Variants in TBX4 observed in about 807,000 individuals in gnomAD.
TBX4 encodes the protein T-box transcription factor 4, also known as T-box transcription factor TBX4.
Under a neutral mutation model 54.6 loss-of-function variants are expected in TBX4, and 13 were observed. The ratio of observed to expected loss-of-function variants is 0.24; its 90% CI spans 0.15 to 0.38. TBX4 has a LOEUF of 0.38. Ranked by LOEUF, TBX4 falls within the 10% of genes least tolerant of loss-of-function variation. The pLI is 1.00. For missense variants in TBX4, 631 were observed against 728.5 expected (o/e 0.87, Z 1.54); for synonymous variants, 314 against 306.7 (o/e 1.02, Z -0.25).
Position 61,474,972 on chromosome 17 carries a change from C to G in TBX4, c.550-3655C>G, listed in dbSNP as rs2060608927. Among the ~76,000 whole-genome samples, 1 of 152,194 alleles carries G rather than the reference C, an allele frequency of 6.6e-6. No homozygotes were observed. Among genetic ancestry groups the G allele is most frequent in the Admixed American group, 6.5e-5 (1 of 15,280 alleles). On this transcript the variant is annotated intron_variant, in intron 5 of 8. Coordinates refer to ENST00000644296, the MANE Select transcript of TBX4 (RefSeq NM_001321120.2). This position sits in a 1 kb window ranked among gnomAD's most constrained non-coding sequence, Gnocchi z 4.6. ...TGGGACCACTTAGTCAAAGGCCCCA[C>G]TTCATAGATGGGGACCCCAATGGTT...
intron 3 of TBX4, among the ~76,000 whole-genome samples, chr17:61,463,985 G>T (rs551005359): frequency 1.3e-5 from 2 of 152,322 alleles, no homozygotes; most frequent in East Asian, 3.9e-4. Context: ...CCATAGGGGG[G>T]CTGGTAAGCA....
In TBX4 at chr17:61,481,598, A is replaced by T. The variant is rs1013157738; in HGVS notation, c.1021+1279A>T. ...GAGCAGGTCTCCCTGGGCAGGGCAGATGCCACCAGCAGGGGCAGAGGAGAG... is the reference window on the plus strand; with the variant it reads ...GAGCAGGTCTCCCTGGGCAGGGCAGTTGCCACCAGCAGGGGCAGAGGAGAG... On this transcript the variant is annotated intron_variant, in intron 8 of 8. Coordinates refer to ENST00000644296, the MANE Select transcript of TBX4 (RefSeq NM_001321120.2). This position sits in a 1 kb window ranked among gnomAD's most constrained non-coding sequence, Gnocchi z 4.8. 2.0e-5 allele frequency: 3 copies of T among 152,812 alleles called. No individual in the cohort carries two copies. The highest frequency in any genetic ancestry group is 4.8e-5 in the African/African-American group (2 of 41,454). 9.5% of individuals were successfully genotyped at this position (152,812 alleles called of 1,614,324 possible).
rs886053187 is a variant in TBX4 at position 61,456,600 on chromosome 17, C to G, written c.110C>G (p.Pro37Arg). 9.3e-6 allele frequency: 14 copies of G among 1,503,532 alleles called. No homozygotes were observed. Among genetic ancestry groups the G allele is most frequent in the Admixed American group, 2.2e-5 (1 of 45,026 alleles). 93.1% of individuals were successfully genotyped at this position (1,503,532 alleles called of 1,614,324 possible). A position where few individuals can be genotyped will look rare whatever the true frequency, so the allele number is the denominator to read the frequency against. ...ANAPEPALAA[P>R]GLSGAALGSP... ...GCCCCCGAGCCCGCGCTGGCAGCGC[C>G]GGGCCTCAGCGGAGCCGCGCTAGGC... Residue 37 changes from proline (P) to arginine (R), a missense_variant, in exon 2 of 9, where the codon CCG (proline) becomes CGG (arginine). Physicochemically the swap from Pro to Arg is moderately radical, Grantham distance 103. Coordinates refer to ENST00000644296, the MANE Select transcript of TBX4 (RefSeq NM_001321120.2).
chr17:61,454,161 T>G (rs903899917), intron 1 of TBX4, among the ~76,000 whole-genome samples: 2 of 152,208 alleles, frequency 1.3e-5, no homozygotes, highest in Admixed American at 6.5e-5. Context: ...AAAGTAGTAA[T>G]AATCCACGCG....
Position 61,478,792 on chromosome 17 carries a change from C to T in TBX4, c.702+13C>T, listed in dbSNP as rs746951975. 4 of 1,614,028 alleles carry T rather than the reference C, an allele frequency of 2.5e-6. No individual in the cohort carries two copies. In the Admixed American group the frequency reaches 5.0e-5, roughly 20 times the overall value. ...CCAGAATCACAAGGTACAGCCACTG[C>T]CCCACTGCCCCACAGCCCCACTTAA... is the stretch of plus-strand genomic sequence containing the variant. On this transcript the variant is annotated intron_variant, in intron 6 of 8. Transcript: ENST00000644296. The surrounding 1 kb of genome is among the most constrained non-coding windows in gnomAD (Gnocchi z 7.4).
rs554265516 is a variant in TBX4 at position 61,460,024 on chromosome 17, C to T, written c.281+2393C>T. Among the ~76,000 whole-genome samples, 13 of 152,258 alleles carry T rather than the reference C, an allele frequency of 8.5e-5. No individual in the cohort carries two copies. The highest frequency in any genetic ancestry group is 3.1e-4 in the African/African-American group (13 of 41,556). ...ACTGGAACCCTTCTTGGTACACGTC[C>T]ATTTGTCAGCCTGGGCCCTGCTGCT... On this transcript the variant is annotated intron_variant, in intron 3 of 8. Coordinates refer to ENST00000644296, the MANE Select transcript of TBX4 (RefSeq NM_001321120.2). This position sits in a 1 kb window ranked among gnomAD's most constrained non-coding sequence, Gnocchi z 4.4.
chr17:61,466,416 C>T (rs553544386), intron 4 of TBX4, among the ~76,000 whole-genome samples: 28 of 152,272 alleles, frequency 1.8e-4, no homozygotes, highest in Non-Finnish European at 2.9e-4. Context: ...GCCATCCAGA[C>T]GAAGTGAGGC....
intron 3 of TBX4, among the ~76,000 whole-genome samples, chr17:61,463,981 G>T (rs139048040): frequency 3.3e-5 from 5 of 152,206 alleles, no homozygotes; most frequent in East Asian, 1.9e-4. Flanking sequence ...GGCCCCATAG[G>T]GGGGCTGGTA....
intron 5 of TBX4, among the ~76,000 whole-genome samples, chr17:61,469,398 C>G (rs2060559982): frequency 6.6e-6 from 1 of 152,172 alleles, no homozygotes; most frequent in Non-Finnish European, 1.5e-5. Context: ...TGGGGGTGCC[C>G]CTGGCTGCAT....
Position 61,474,589 on chromosome 17 carries a change from C to G in TBX4, c.550-4038C>G, listed in dbSNP as rs896573387. 1.3e-5 allele frequency among the ~76,000 whole-genome samples: 2 copies of G among 152,158 alleles called. No homozygotes were observed. Among genetic ancestry groups the G allele is most frequent in the African/African-American group, 4.8e-5 (2 of 41,436 alleles). On this transcript the variant is annotated intron_variant, in intron 5 of 8. Coordinates refer to ENST00000644296, the MANE Select transcript of TBX4 (RefSeq NM_001321120.2). The surrounding 1 kb of genome is among the most constrained non-coding windows in gnomAD (Gnocchi z 4.6). Reference sequence around the variant, plus strand: ...ATCTCTTGAGGAGAGGGATGTTTGGCGCAATTGCAGTTGTTAAAATAGAAC... The same window carrying G: ...ATCTCTTGAGGAGAGGGATGTTTGGGGCAATTGCAGTTGTTAAAATAGAAC...
rs2060608601 is a variant in TBX4 at position 61,474,940 on chromosome 17, G to A, written c.550-3687G>A. ...GGTTCTAGACTGTCGGAGTCAGAAGGGGTGTTTGGGACCACTTAGTCAAAG... is the reference window on the plus strand; with the variant it reads ...GGTTCTAGACTGTCGGAGTCAGAAGAGGTGTTTGGGACCACTTAGTCAAAG... On this transcript the variant is annotated intron_variant, in intron 5 of 8. Transcript: ENST00000644296. This position sits in a 1 kb window ranked among gnomAD's most constrained non-coding sequence, Gnocchi z 4.6. 6.6e-6 allele frequency among the ~76,000 whole-genome samples: 1 copy of A among 152,228 alleles called. No individual in the cohort carries two copies. The highest frequency in any genetic ancestry group is 1.5e-5 in the Non-Finnish European group (1 of 68,040).
In TBX4 at chr17:61,465,888, T is replaced by G. The variant is rs1420191185; in HGVS notation, c.351T>G (p.Ile117Met). 1.2e-6 allele frequency: 2 copies of G among 1,614,144 alleles called. No homozygotes were observed. The highest frequency in any genetic ancestry group is 4.5e-5 in the East Asian group (2 of 44,884). ...MNPKTKYILL[I>M]DIVPADDHRY... Reference sequence around the variant, plus strand: ...CCAAGACCAAGTATATCCTGCTGATTGACATTGTCCCTGCCGATGACCATC... The same window carrying G: ...CCAAGACCAAGTATATCCTGCTGATGGACATTGTCCCTGCCGATGACCATC... Residue 117 changes from isoleucine (I) to methionine (M), a missense_variant, in exon 4 of 9, where the codon ATT (isoleucine) becomes ATG (methionine). Physicochemically the swap from Ile to Met is conservative, Grantham distance 10. Around this residue, in one of 3 missense-constraint regions of TBX4, gnomAD observed 154 missense variants for 238.6 expected, o/e 0.65. Coordinates refer to ENST00000644296, the MANE Select transcript of TBX4 (RefSeq NM_001321120.2). The surrounding 1 kb of genome is among the most constrained non-coding windows in gnomAD (Gnocchi z 4.9).
rs1320729604 is a variant in TBX4, at chr17:61,462,082, G to A, written c.282-3737G>A. Among the ~76,000 whole-genome samples the A allele has an allele frequency of 2.6e-5, 4 of 152,296 alleles. No individual in the cohort carries two copies. The highest frequency in any genetic ancestry group is 3.4e-3 in the Middle Eastern group (1 of 294). The stretch of plus-strand genomic sequence containing the variant: ...CCCTCAGCAGTGAGTTCGCAGTTAC[G>A]GGTTTGTTGCCAGAATTAAAAAAGC... On this transcript the variant is annotated intron_variant, in intron 3 of 8. Coordinates refer to ENST00000644296, the MANE Select transcript of TBX4 (RefSeq NM_001321120.2). This position sits in a 1 kb window ranked among gnomAD's most constrained non-coding sequence, Gnocchi z 4.5.
At position 61,483,231 on chromosome 17, in the gene TBX4, G is replaced by A. The variant is rs1603256222; in HGVS notation, c.1356G>A (p.Met452Ile). ...CCACGCACTTCACCGCCACCACCAT[G>A]ATGCCGCGGCTGCCCACCCTCTCCG... is the stretch of plus-strand genomic sequence containing the variant. ...PFPTHFTATT[M>I]MPRLPTLSAQ... Residue 452 changes from methionine to isoleucine, a missense_variant, in exon 9 of 9, where the codon ATG becomes ATA. Met to Ile is a conservative substitution (Grantham distance 10, BLOSUM62 1). Transcript: ENST00000644296. This position sits in a 1 kb window ranked among gnomAD's most constrained non-coding sequence, Gnocchi z 6.6. 3 of 1,614,144 alleles carry A rather than the reference G, an allele frequency of 1.9e-6. No individual in the cohort carries two copies. The East Asian group carries it at 6.7e-5, about 36-fold the overall frequency.
chr17:61,480,408 CA>C lies in TBX4; in HGVS notation c.1021+90del. ...CACTCTGCAGCGCCCCCCCCCCCAA[CA>C]CACACACACTCATCTCGTGCTTGTG... is the stretch of plus-strand genomic sequence containing the variant. On this transcript the variant is annotated intron_variant, in intron 8 of 8. Transcript: ENST00000644296. The surrounding 1 kb of genome is among the most constrained non-coding windows in gnomAD (Gnocchi z 6.2). The C allele has an allele frequency of 3.0e-6, 3 of 996,872 alleles. No homozygotes were observed. The highest frequency in any genetic ancestry group is 4.5e-6 in the Non-Finnish European group (3 of 664,290). 61.8% of individuals were successfully genotyped at this position (996,872 alleles called of 1,614,324 possible).
rs188952741 is a variant in TBX4 at position 61,483,399 on chromosome 17, G to A, written c.1524G>A (p.Ser508=). The A allele has an allele frequency of 4.3e-4, 695 of 1,612,164 alleles. 7 individuals are homozygous for A. Among genetic ancestry groups the A allele is most frequent in the South Asian group, 4.8e-4 (44 of 90,936 alleles). The change falls in exon 9 of 9, where the codon TCG becomes TCA. Residue 508 remains serine (S), a synonymous_variant. Coordinates refer to ENST00000644296, the MANE Select transcript of TBX4 (RefSeq NM_001321120.2). This position sits in a 1 kb window ranked among gnomAD's most constrained non-coding sequence, Gnocchi z 6.6. ...AAGGGTGTGAGAGGAAGCCACCCTC[G>A]CCACATCTAAATGCTGCCAATGAGT... ...LPQGCERKPP[S]PHLNAANEFL...
At chr17:61,468,883 G>T (rs1461425365) in intron 5 of TBX4, among the ~76,000 whole-genome samples, 1 of 152,116 alleles carries the variant, frequency 6.6e-6, no homozygotes, top group Admixed American at 6.5e-5. Context: ...GCACCATCCT[G>T]GTCAAGACTT....
At chr17:61,456,316 G>A (rs1023123783) in intron 1 of TBX4, 172 bp from the exon 2 acceptor site, 1 of 796,196 alleles carries the variant, frequency 1.3e-6, no homozygotes, top group East Asian at 2.8e-5. Context: ...AGGAGGCGAG[G>A]GACCTGCCTT....
In TBX4 at chr17:61,465,852, A is replaced by G; in HGVS notation, c.315A>G (p.Thr105=). 2 of 1,614,082 alleles carry G rather than the reference A, an allele frequency of 1.2e-6. No individual in the cohort carries two copies. Among genetic ancestry groups the G allele is most frequent in the Non-Finnish European group, 1.7e-6 (2 of 1,179,952 alleles). Residue 105 remains threonine, a synonymous_variant, in exon 4 of 9, where the codon ACA becomes ACG. Coordinates refer to ENST00000644296, the MANE Select transcript of TBX4 (RefSeq NM_001321120.2). This position sits in a 1 kb window ranked among gnomAD's most constrained non-coding sequence, Gnocchi z 4.9. Reference sequence around the variant, plus strand: ...TCCCCAGCTACAAGGTAAAAGTCACAGGCATGAACCCCAAGACCAAGTATA... The same window carrying G: ...TCCCCAGCTACAAGGTAAAAGTCACGGGCATGAACCCCAAGACCAAGTATA... ...RMFPSYKVKV[T]GMNPKTKYIL...
Sources: gnomAD v4.1 joint callset for allele counts (sites outside exome capture counted in the v4.1 genomes callset) on GRCh38, gnomAD v4.1.1 for gene constraint, gnomAD v4.1.1 regional missense constraint, Gnocchi (gnomAD v3.1) non-coding constraint, MANE v1.5 for transcripts, NCBI Gene and HGNC (gene_info 2026-07-23, HGNC 2026-07-21) for gene names.